The following IGF2BP2 variants were observed in gnomAD, a reference collection of about 807,000 sequenced individuals.
IGF2BP2 encodes insulin like growth factor 2 mRNA binding protein 2, also known as insulin-like growth factor 2 mRNA-binding protein 2.
Under a neutral mutation model 75.8 loss-of-function variants are expected in IGF2BP2, and 17 were observed. The observed-to-expected ratio is 0.22, with a 90% confidence interval of 0.15 to 0.34. IGF2BP2 has a LOEUF of 0.34. Ranked by LOEUF, IGF2BP2 falls within the 10% of genes least tolerant of loss-of-function variation. IGF2BP2 has a pLI of 1.00. For missense variants in IGF2BP2, 516 were observed against 772.4 expected, an observed-to-expected ratio of 0.67 and a Z score of 3.93; for synonymous variants, 288 against 295.6, an observed-to-expected ratio of 0.97 and a Z score of 0.26.
At chr3:185,681,253 A>G (rs1720343755) in intron 7 of IGF2BP2, among the ~76,000 whole-genome samples, 1 of 152,384 alleles carries the variant, frequency 6.6e-6, no homozygotes, top group African/African-American at 2.4e-5. Context: ...ACAAAAATCA[A>G]TCAACATGCA....
At chr3:185,769,744 G>T (rs1180555621) in intron 2 of IGF2BP2, among the ~76,000 whole-genome samples, 1 of 145,490 alleles carries the variant, frequency 6.9e-6, no homozygotes, top group Non-Finnish European at 1.5e-5. Context: ...TGGAAGGATC[G>T]ATTGAGCCCA....
chr3:185,766,602 A>G (rs1733105923), intron 2 of IGF2BP2, among the ~76,000 whole-genome samples: 1 of 152,268 alleles, frequency 6.6e-6, no homozygotes, highest in Non-Finnish European at 1.5e-5. Flanking sequence ...CTAAAGGGAT[A>G]GTATCATCTA....
At chr3:185,820,422 GA>G (rs1275862155) in intron 2 of IGF2BP2, among the ~76,000 whole-genome samples, 1 of 151,586 alleles carries the variant, frequency 6.6e-6, no homozygotes, top group African/African-American at 2.4e-5. Context: ...TATTAATAGA[GA>G]AAAAAAGATT....
chr3:185,733,753 C>T (rs557853447), intron 2 of IGF2BP2, among the ~76,000 whole-genome samples: 2 of 151,666 alleles, frequency 1.3e-5, no homozygotes, highest in East Asian at 1.9e-4. Context: ...CGAAACTCCG[C>T]CTCAATAATA....
At chr3:185,661,341 C>G (rs1376105271) in intron 10 of IGF2BP2, among the ~76,000 whole-genome samples, 1 of 152,160 alleles carries the variant, frequency 6.6e-6, no homozygotes, top group Admixed American at 6.5e-5. Context: ...TTCATTCATT[C>G]AAAAGGCATT....
chr3:185,687,005 G>C (rs1381745912), intron 7 of IGF2BP2, 52 bp downstream of exon 7: 5 of 1,585,646 alleles, frequency 3.2e-6, no homozygotes, highest in Non-Finnish European at 4.3e-6. Flanking sequence ...AAATGAGGGA[G>C]AATCTACTCT....
intron 2 of IGF2BP2, among the ~76,000 whole-genome samples, chr3:185,721,167 G>A (rs1469169581): frequency 6.6e-6 from 1 of 151,958 alleles, no homozygotes; most frequent in Non-Finnish European, 1.5e-5. Context: ...TGAAGGAGAG[G>A]CTCATACTCT....
intron 2 of IGF2BP2, among the ~76,000 whole-genome samples, chr3:185,771,645 G>A (rs1413021132): frequency 2.0e-5 from 3 of 152,048 alleles, no homozygotes; most frequent in African/African-American, 4.8e-5. Flanking sequence ...TCTGGCTGCC[G>A]TCGCTTCTCA....
chr3:185,648,981 TG>T (rs1714091690), intron 14 of IGF2BP2, among the ~76,000 whole-genome samples: 1 of 150,992 alleles, frequency 6.6e-6, no homozygotes, highest in Non-Finnish European at 1.5e-5. Context: ...GGGAAGGTGG[TG>T]GTCTGCCAAG....
intron 10 of IGF2BP2, among the ~76,000 whole-genome samples, chr3:185,669,977 C>T (rs973395269): frequency 4.6e-5 from 7 of 152,152 alleles, no homozygotes; most frequent in Non-Finnish European, 1.0e-4. Context: ...AGGGCCGCCT[C>T]CATGCCATTG....
intron 10 of IGF2BP2, among the ~76,000 whole-genome samples, chr3:185,669,577 G>C (rs1035812767): frequency 3.4e-5 from 5 of 147,156 alleles, no homozygotes; most frequent in South Asian, 2.2e-4. Flanking sequence ...AAAAAAAAGG[G>C]GGGGGGGTAA....
chr3:185,721,010 T>A (rs1235662732), intron 2 of IGF2BP2, among the ~76,000 whole-genome samples: 1 of 152,162 alleles, frequency 6.6e-6, no homozygotes, highest in African/African-American at 2.4e-5. Context: ...TGCACACGCT[T>A]GCACACATGT....
At chr3:185,648,130 G>A (rs1435371513) in intron 14 of IGF2BP2, among the ~76,000 whole-genome samples, 1 of 152,198 alleles carries the variant, frequency 6.6e-6, no homozygotes, top group East Asian at 1.9e-4. Context: ...CTAGAACTTG[G>A]TTTTGAATTC....
At chr3:185,747,495 A>G (rs1285439372) in intron 2 of IGF2BP2, among the ~76,000 whole-genome samples, 1 of 152,114 alleles carries the variant, frequency 6.6e-6, no homozygotes, top group Admixed American at 6.5e-5. Flanking sequence ...CCTGACCAAC[A>G]TGGTAAAACC....
intron 4 of IGF2BP2, among the ~76,000 whole-genome samples, chr3:185,694,330 G>T (rs1032946952): frequency 1.3e-5 from 2 of 152,148 alleles, no homozygotes; most frequent in Non-Finnish European, 2.9e-5. Flanking sequence ...GAAAGGGCTG[G>T]GTTTGAACCT....
intron 2 of IGF2BP2, among the ~76,000 whole-genome samples, chr3:185,755,089 G>A (rs1168319465): frequency 6.6e-6 from 1 of 152,164 alleles, no homozygotes; most frequent in Non-Finnish European, 1.5e-5. Context: ...GGGGAAAAAA[G>A]CCTCAAAGCC....
chr3:185,766,462 A>G (rs1733079709), intron 2 of IGF2BP2, among the ~76,000 whole-genome samples: 1 of 152,254 alleles, frequency 6.6e-6, no homozygotes, highest in East Asian at 1.9e-4. Flanking sequence ...AATAAAAAGA[A>G]TATTCCGTGA....
At chr3:185,665,506 GAGGAGGAGGAGA>G (rs1717378002) in intron 10 of IGF2BP2, among the ~76,000 whole-genome samples, 1 of 127,212 alleles carries the variant, frequency 7.9e-6, no homozygotes, top group African/African-American at 2.9e-5. Flanking sequence ...GGAGGAGAAG[GAGGAGGAGGAGA>G]AGGAGGAGGA....
chr3:185,699,733 AG>A (rs1348385525), intron 2 of IGF2BP2, among the ~76,000 whole-genome samples: 1 of 152,196 alleles, frequency 6.6e-6, no homozygotes, highest in Non-Finnish European at 1.5e-5. Flanking sequence ...AGGTAGAGTT[AG>A]AGAGCTTCCT....
Sources: gnomAD v4.1 joint callset for allele counts (sites outside exome capture counted in the v4.1 genomes callset) on GRCh38, gnomAD v4.1.1 for gene constraint, MANE v1.5 for transcripts, NCBI Gene and HGNC (gene_info 2026-07-23, HGNC 2026-07-21) for gene names.